AVL9: variants seen among roughly 807,000 people sequenced by gnomAD.
AVL9 encodes the protein late secretory pathway protein AVL9 homolog.
AVL9 carries 49 observed loss-of-function variants against 79.2 expected under a neutral mutation model. The ratio of observed to expected loss-of-function variants is 0.62; its 90% CI spans 0.49 to 0.79. The LOEUF (loss-of-function observed/expected upper bound fraction) is 0.79, where lower values mean the gene tolerates loss of function less well. Among genes scored for constraint, AVL9 ranks in the 30% least tolerant of loss-of-function variants. The pLI, the probability that AVL9 is intolerant of heterozygous loss-of-function variation, is 0.00. For missense variants in AVL9, 682 were observed against 776.8 expected, an observed-to-expected ratio of 0.88 and a Z score of 1.45; for synonymous variants, 299 against 280.6, an observed-to-expected ratio of 1.07 and a Z score of -0.65.
intron 11 of AVL9, among the ~76,000 whole-genome samples, 168 bp downstream of exon 11, chr7:32,570,322 AAC>A (rs146028413): frequency 0.03 from 4,537 of 152,318 alleles, 212 homozygotes; most frequent in African/African-American, 0.1. Context: ...TTCTCATAAA[AAC>A]ACAGTCAATA....
In AVL9 at chr7:32,495,730, C is replaced by A; in HGVS notation, c.21C>A (p.Gly7=). The A allele has an allele frequency of 7.9e-7, 1 of 1,261,346 alleles. No individual in the cohort carries two copies. The highest frequency in any genetic ancestry group is 3.1e-5 in the East Asian group (1 of 31,780). The allele number at this position is 1,261,346 out of a possible 1,614,324, so 78.1% of individuals were successfully genotyped here. ...CGCCCATGGAGAAGGCCAGGAGAGG[C>A]GGGGATGGCGTCCCCCGGGGGCCCG... MEKARR[G]GDGVPRGPVL... Residue 7 remains glycine, a synonymous_variant, in exon 1 of 16, where the codon GGC becomes GGA. Coordinates refer to ENST00000318709, the MANE Select transcript of AVL9 (RefSeq NM_015060.3).
In AVL9 at chr7:32,573,453, T is replaced by C. The variant is rs779561894; in HGVS notation, c.1570+35T>C. 18 of 1,540,436 alleles carry C rather than the reference T, an allele frequency of 1.2e-5. No homozygotes were observed. The African/African-American group carries it at 2.2e-4, about 19-fold the overall frequency. On this transcript the variant is annotated intron_variant, in intron 12 of 15. Transcript: ENST00000318709. ...CACACGGAGCCTACAGCTACCTGTTTTATTATAATTTTTCATTTTGTAACA... is the reference window on the plus strand; with the variant it reads ...CACACGGAGCCTACAGCTACCTGTTCTATTATAATTTTTCATTTTGTAACA...
At chr7:32,528,097 C>G (rs1177647985) in intron 1 of AVL9, among the ~76,000 whole-genome samples, 2 of 152,144 alleles carry the variant, frequency 1.3e-5, no homozygotes, top group African/African-American at 4.8e-5. Context: ...CCCAGACATT[C>G]CTTTCTATGC....
At chr7:32,538,600 A>G (rs1789027342) in intron 1 of AVL9, 1 of 152,234 alleles carries the variant, frequency 6.6e-6, no homozygotes, top group African/African-American at 2.4e-5. Context: ...GTATTCGCTT[A>G]TCTTCCATCC....
intron 8 of AVL9, among the ~76,000 whole-genome samples, chr7:32,555,095 T>C (rs1226591455): frequency 6.6e-6 from 1 of 152,096 alleles, no homozygotes; most frequent in Non-Finnish European, 1.5e-5. Flanking sequence ...TCCTAGCACT[T>C]TGGGAGGCTG....
intron 1 of AVL9, chr7:32,538,586 A>G (rs1221511814): frequency 1.3e-5 from 2 of 152,194 alleles, no homozygotes; most frequent in East Asian, 1.9e-4. Context: ...TTAAAGTAAC[A>G]GGAGTATTCG....
At chr7:32,515,358 T>A (rs1316249979) in intron 1 of AVL9, among the ~76,000 whole-genome samples, 1 of 152,238 alleles carries the variant, frequency 6.6e-6, no homozygotes, top group East Asian at 1.9e-4. Flanking sequence ...TAGCTGTCTT[T>A]ATGGTCGAAA....
At chr7:32,502,531 A>AT (rs1416248584) in intron 1 of AVL9, among the ~76,000 whole-genome samples, 1 of 152,108 alleles carries the variant, frequency 6.6e-6, no homozygotes, top group Non-Finnish European at 1.5e-5. Context: ...GCTAAATAGT[A>AT]TTTTGTAGAA....
chr7:32,546,074 T>TA (rs1789487061), intron 3 of AVL9, among the ~76,000 whole-genome samples: 1 of 136,168 alleles, frequency 7.3e-6, no homozygotes, highest in Non-Finnish European at 1.6e-5. Flanking sequence ...GGAGACTTTT[T>TA]TTTTTTTTTA....
chr7:32,556,053 G>C (rs1249338497), intron 8 of AVL9, among the ~76,000 whole-genome samples: 1 of 152,086 alleles, frequency 6.6e-6, no homozygotes, highest in Non-Finnish European at 1.5e-5. Flanking sequence ...CATGTTAAGT[G>C]AGAAAAGTTT....
At chr7:32,548,777 T>A in intron 3 of AVL9, 70 bp from the exon 4 acceptor site, 1 of 1,138,700 alleles carries the variant, frequency 8.8e-7, no homozygotes, top group Non-Finnish European at 1.2e-6. Flanking sequence ...TTTCTATTTT[T>A]ATGTTGAAAA....
chr7:32,534,058 A>G (rs1788786042), intron 1 of AVL9: 1 of 152,350 alleles, frequency 6.6e-6, no homozygotes, highest in African/African-American at 2.4e-5. Context: ...TTTATAAACT[A>G]TGACAAAGCA....
chr7:32,588,025 C>A lies in AVL9; in HGVS notation c.*4118C>A, dbSNP rs926205731. On this transcript the variant is annotated 3_prime_UTR_variant, in exon 16 of 16. Transcript: ENST00000318709. ...AATATATTTTGTAAAACTCTAAATA[C>A]ATTTGTATTTCTGTGCTGTTCTAAA... is the stretch of plus-strand genomic sequence containing the variant. The A allele has an allele frequency of 6.6e-6, 1 of 152,092 alleles. No homozygotes were observed. The highest frequency in any genetic ancestry group is 1.5e-5 in the Non-Finnish European group (1 of 68,016). 9.4% of individuals were successfully genotyped at this position (152,092 alleles called of 1,614,324 possible). A position where few individuals can be genotyped will look rare whatever the true frequency, so the allele number is the denominator to read the frequency against.
chr7:32,528,130 A>G (rs573312464), intron 1 of AVL9, among the ~76,000 whole-genome samples: 8 of 152,096 alleles, frequency 5.3e-5, no homozygotes, highest in Admixed American at 2.0e-4. Flanking sequence ...ACCATTTCCA[A>G]TCAGAAACTG....
In AVL9 at chr7:32,576,063, T is replaced by C; in HGVS notation, c.1679T>C (p.Ile560Thr). 2 of 1,612,398 alleles carry C rather than the reference T, an allele frequency of 1.2e-6. No individual in the cohort carries two copies. Among genetic ancestry groups the C allele is most frequent in the Non-Finnish European group, 1.7e-6 (2 of 1,178,466 alleles). Reference sequence around the variant, plus strand: ...AACAAGCATCCAGCACTTGCAGAAATAAATCCAAAGTAAGCGCGTCCTCTG... The same window carrying C: ...AACAAGCATCCAGCACTTGCAGAAACAAATCCAAAGTAAGCGCGTCCTCTG... ...NSNKHPALAE[I>T]NPNHPFQGQY... Residue 560 changes from isoleucine to threonine, a missense_variant, in exon 13 of 16, where the codon ATA becomes ACA. Coordinates refer to ENST00000318709, the MANE Select transcript of AVL9 (RefSeq NM_015060.3).
intron 1 of AVL9, among the ~76,000 whole-genome samples, chr7:32,520,706 G>C (rs976384765): frequency 1.3e-5 from 2 of 152,070 alleles, no homozygotes; most frequent in Non-Finnish European, 2.9e-5. Context: ...GGGCTGAGAG[G>C]GGCACCTTTT....
intron 1 of AVL9, among the ~76,000 whole-genome samples, chr7:32,502,324 T>G (rs533585138): frequency 7.0e-6 from 1 of 143,822 alleles, no homozygotes; most frequent in East Asian, 2.0e-4. Flanking sequence ...GCCCAGCAGG[T>G]CGAAGCTGCA....
intron 8 of AVL9, among the ~76,000 whole-genome samples, chr7:32,555,538 T>C (rs1230491173): frequency 6.6e-6 from 1 of 152,252 alleles, no homozygotes; most frequent in Non-Finnish European, 1.5e-5. Flanking sequence ...ACCTACTACC[T>C]ATTGTTATAC....
intron 1 of AVL9, among the ~76,000 whole-genome samples, chr7:32,503,373 T>TACACACACACACACACAC (rs1185553909): frequency 9.5e-6 from 1 of 105,816 alleles, no homozygotes; most frequent in African/African-American, 3.5e-5. Flanking sequence ...TATATATATA[T>TACACACACACACACACAC]ACACACACAC....
Sources: allele counts gnomAD v4.1 joint callset (sites outside exome capture counted in the v4.1 genomes callset), GRCh38; gene constraint gnomAD v4.1.1; transcripts MANE v1.5; gene names NCBI Gene and HGNC (gene_info 2026-07-23, HGNC 2026-07-21).